The following KPNA6 variants were observed in gnomAD, a reference collection of about 807,000 sequenced individuals.
The protein encoded by KPNA6 is importin subunit alpha-7.
In KPNA6, 9 loss-of-function variants were observed where a neutral mutation model predicts 72.0. The ratio of observed to expected loss-of-function variants is 0.13; its 90% CI spans 0.08 to 0.22. KPNA6 has a LOEUF of 0.22. Ranked by LOEUF, KPNA6 falls within the 10% of genes least tolerant of loss-of-function variation. The probability of loss-of-function intolerance (pLI) is 1.00; values close to 1 mark genes in which losing one functional copy is unlikely to be tolerated. For synonymous variants in KPNA6, 219 were observed against 242.1 expected, an observed-to-expected ratio of 0.90 and a Z score of 0.89; for missense variants, 374 against 655.7, an observed-to-expected ratio of 0.57 and a Z score of 4.69.
chr1:32,155,597 C>T (rs1235508615), intron 2 of KPNA6, among the ~76,000 whole-genome samples: 2 of 152,108 alleles, frequency 1.3e-5, no homozygotes, highest in Non-Finnish European at 2.9e-5. Flanking sequence ...TCCCATAGTG[C>T]TGGGATTACA....
At chr1:32,139,304 G>T (rs1355587273) in intron 1 of KPNA6, among the ~76,000 whole-genome samples, 1 of 152,104 alleles carries the variant, frequency 6.6e-6, no homozygotes, top group Non-Finnish European at 1.5e-5. Flanking sequence ...ACTTACTTTG[G>T]GTTAGGGTAA....
At chr1:32,150,823 C>T (rs2124046580) in intron 1 of KPNA6, among the ~76,000 whole-genome samples, 1 of 152,238 alleles carries the variant, frequency 6.6e-6, no homozygotes, top group Non-Finnish European at 1.5e-5. Flanking sequence ...AACGAGGTTT[C>T]ACCATGTTGG....
At position 32,172,863 on chromosome 1, in the gene KPNA6, C is replaced by T. The variant is rs917951461; in HGVS notation, c.*1969C>T. On this transcript the variant is annotated 3_prime_UTR_variant, in exon 14 of 14. Transcript: ENST00000373625. ...TCTATTGCTACACATCTCCTTCTGG[C>T]TCAGGTGAAATCCATGCCCTTCTGC... is the stretch of plus-strand genomic sequence containing the variant. 5.2e-6 allele frequency: 2 copies of T among 384,534 alleles called. No individual in the cohort carries two copies. Among genetic ancestry groups the T allele is most frequent in the Non-Finnish European group, 9.2e-6 (2 of 218,022 alleles). 23.8% of individuals were successfully genotyped at this position (384,534 alleles called of 1,614,324 possible).
chr1:32,108,250 C>A, intron 1 of KPNA6, 116 bp downstream of exon 1: 3 of 1,453,832 alleles, frequency 2.1e-6, no homozygotes, highest in Non-Finnish European at 1.9e-6. Context: ...CTAGCTAGGT[C>A]TGAGGGGAAA....
chr1:32,130,694 G>C (rs1466984476), intron 1 of KPNA6, among the ~76,000 whole-genome samples: 1 of 151,704 alleles, frequency 6.6e-6, no homozygotes, highest in Non-Finnish European at 1.5e-5. Flanking sequence ...GCTGAGGTGG[G>C]TGAATCACTT....
chr1:32,167,456 A>G (rs542930900), intron 12 of KPNA6, among the ~76,000 whole-genome samples, 160 bp downstream of exon 12: 1 of 152,122 alleles, frequency 6.6e-6, no homozygotes, highest in East Asian at 1.9e-4. Context: ...TGTCACTAGA[A>G]TCTGGAATAG....
Position 32,166,128 on chromosome 1 carries a change from A to G in KPNA6, c.1014A>G (p.Leu338=), listed in dbSNP as rs748750586. The change falls in exon 11 of 14, where the codon CTA becomes CTG. Residue 338 remains leucine, a synonymous_variant. Coordinates refer to ENST00000373625, the MANE Select transcript of KPNA6 (RefSeq NM_012316.5). ...QTQVILNCSA[L]PCLLHLLSSP... ...AGGTCATTCTTAACTGTTCAGCCCT[A>G]CCTTGCCTTCTCCACTTGTTGAGCA... 1 of 1,614,042 alleles carries G rather than the reference A, an allele frequency of 6.2e-7. No homozygotes were observed. Among genetic ancestry groups the G allele is most frequent in the Admixed American group, 1.7e-5 (1 of 60,004 alleles).
intron 1 of KPNA6, among the ~76,000 whole-genome samples, chr1:32,121,713 C>T (rs920289140): frequency 6.6e-6 from 1 of 152,102 alleles, no homozygotes; most frequent in African/African-American, 2.4e-5. Context: ...TGGCTCACAC[C>T]TGTAATCCCA....
At chr1:32,134,633 G>A in intron 1 of KPNA6, among the ~76,000 whole-genome samples, 1 of 145,260 alleles carries the variant, frequency 6.9e-6, no homozygotes. Flanking sequence ...GCAAGAGTCT[G>A]TCTCAAAAAA....
intron 13 of KPNA6, among the ~76,000 whole-genome samples, chr1:32,170,331 G>A (rs1189763242): frequency 6.6e-6 from 1 of 152,186 alleles, no homozygotes; most frequent in African/African-American, 2.4e-5. Context: ...TGAGTTGAGA[G>A]TTGTCTCTCA....
intron 6 of KPNA6, among the ~76,000 whole-genome samples, chr1:32,160,194 G>A (rs1642212180): frequency 6.6e-6 from 1 of 151,802 alleles, no homozygotes; most frequent in African/African-American, 2.4e-5. Flanking sequence ...AGCTATTCAG[G>A]AGGCTTGAGA....
rs1337978809 is a variant in KPNA6 at position 32,166,003 on chromosome 1, A to AAAAAAC, written c.991-93_991-88dup. 7 of 1,390,256 alleles carry AAAAAAC rather than the reference A, an allele frequency of 5.0e-6. No homozygotes were observed. In the African/African-American group the frequency reaches 8.9e-5, roughly 18 times the overall value. 86.1% of individuals were successfully genotyped at this position (1,390,256 alleles called of 1,614,324 possible). A position where few individuals can be genotyped will look rare whatever the true frequency, so the allele number is the denominator to read the frequency against. On this transcript the variant is annotated intron_variant, in intron 10 of 13. Transcript: ENST00000373625. ...TCAGAGCGAGACTCTGTCTCAAAAA[A>AAAAAAC]AAAAACAAAAACAACAACAACAACA... is the stretch of plus-strand genomic sequence containing the variant.
intron 1 of KPNA6, among the ~76,000 whole-genome samples, chr1:32,146,146 C>T (rs1641925386): frequency 1.3e-5 from 2 of 152,110 alleles, no homozygotes; most frequent in Non-Finnish European, 2.9e-5. Context: ...TCCTCTGTTA[C>T]TTATCGATCT....
In KPNA6 at chr1:32,172,855, CCTT is replaced by C. The variant is rs754221534; in HGVS notation, c.*1964_*1966del. The C allele has an allele frequency of 1.6e-5, 6 of 371,688 alleles. No individual in the cohort carries two copies. The highest frequency in any genetic ancestry group is 1.3e-4 in the African/African-American group (6 of 47,864). 23.0% of individuals were successfully genotyped at this position (371,688 alleles called of 1,614,324 possible). ...TTCTTGCTTCTATTGCTACACATCTCCTTCTGGCTCAGGTGAAATCCATGCCCT... is the reference window on the plus strand; with the variant it reads ...TTCTTGCTTCTATTGCTACACATCTCCTGGCTCAGGTGAAATCCATGCCCT... On this transcript the variant is annotated 3_prime_UTR_variant, in exon 14 of 14. Coordinates refer to ENST00000373625, the MANE Select transcript of KPNA6 (RefSeq NM_012316.5).
intron 2 of KPNA6, 68 bp downstream of exon 2, chr1:32,154,789 A>T: frequency 6.5e-7 from 1 of 1,550,382 alleles, no homozygotes; most frequent in Non-Finnish European, 8.9e-7. Flanking sequence ...GGCCTCCACC[A>T]TGCACCCTGA....
In KPNA6 at chr1:32,173,214, CCGCCCATTGTT is replaced by C; in HGVS notation, c.*2322_*2332del. On this transcript the variant is annotated 3_prime_UTR_variant, in exon 14 of 14. Coordinates refer to ENST00000373625, the MANE Select transcript of KPNA6 (RefSeq NM_012316.5). ...AAAAAAGCCTTCCCCTACCCAACCT[CCGCCCATTGTT>C]CTCTTCCAAAGGGCAATTTAGTAGG... 2.5e-6 allele frequency: 1 copy of C among 393,694 alleles called. No individual in the cohort carries two copies. 24.4% of individuals were successfully genotyped at this position (393,694 alleles called of 1,614,324 possible).
At chr1:32,119,904 C>T (rs1321840726) in intron 1 of KPNA6, among the ~76,000 whole-genome samples, 1 of 151,968 alleles carries the variant, frequency 6.6e-6, no homozygotes, top group Non-Finnish European at 1.5e-5. Flanking sequence ...ACCACTGCAC[C>T]TGGCTAATTT....
chr1:32,112,831 A>T (rs1308920494), intron 1 of KPNA6, among the ~76,000 whole-genome samples: 1 of 152,132 alleles, frequency 6.6e-6, no homozygotes, highest in Non-Finnish European at 1.5e-5. Context: ...CCTTATTGTG[A>T]AAAATTGCCA....
chr1:32,124,470 G>GT (rs957825478), intron 1 of KPNA6, among the ~76,000 whole-genome samples: 2 of 150,068 alleles, frequency 1.3e-5, no homozygotes, highest in Non-Finnish European at 1.5e-5. Context: ...GAGGCCAGGA[G>GT]TTCAAGACCA....
Sources: gnomAD v4.1 joint callset for allele counts (sites outside exome capture counted in the v4.1 genomes callset) on GRCh38, gnomAD v4.1.1 for gene constraint, MANE v1.5 for transcripts, NCBI Gene and HGNC (gene_info 2026-07-23, HGNC 2026-07-21) for gene names.